The following TTBK2 variants were observed in gnomAD, a reference collection of about 807,000 sequenced individuals.
The protein encoded by TTBK2 is tau-tubulin kinase 2.
Under a neutral mutation model 110.8 loss-of-function variants are expected in TTBK2, and 28 were observed. The observed-to-expected ratio is 0.25, with a 90% CI of 0.19 to 0.35. The LOEUF (loss-of-function observed/expected upper bound fraction) is 0.35, where lower values mean the gene tolerates loss of function less well. TTBK2 is among the 10% of genes least tolerant of loss of function. The probability of loss-of-function intolerance (pLI) is 1.00; values close to 1 mark genes in which losing one functional copy is unlikely to be tolerated. For missense variants in TTBK2, 1,369 were observed against 1,500.3 expected, an observed-to-expected ratio of 0.91 and a Z score of 1.45; for synonymous variants, 532 against 527.3, an observed-to-expected ratio of 1.01 and a Z score of -0.12.
At chr15:42,897,154 G>GTAAA (rs1895699179) in intron 1 of TTBK2, among the ~76,000 whole-genome samples, 1 of 152,064 alleles carries the variant, frequency 6.6e-6, no homozygotes. Flanking sequence ...TGGGATTACA[G>GTAAA]GTGTGAGCCA....
At chr15:42,773,559 A>G (rs1258920026) in intron 13 of TTBK2, among the ~76,000 whole-genome samples, 3 of 152,238 alleles carry the variant, frequency 2.0e-5, no homozygotes, top group Non-Finnish European at 4.4e-5. Context: ...ACACCGCAGT[A>G]GTGTAAGAGA....
chr15:42,762,812 G>C (rs1441652072), intron 13 of TTBK2, among the ~76,000 whole-genome samples: 1 of 151,898 alleles, frequency 6.6e-6, no homozygotes, highest in Non-Finnish European at 1.5e-5. Context: ...GTCATTCATG[G>C]CAACATGGAT....
intron 1 of TTBK2, among the ~76,000 whole-genome samples, chr15:42,886,637 T>C (rs1337269071): frequency 6.6e-6 from 1 of 152,136 alleles, no homozygotes; most frequent in African/African-American, 2.4e-5. Context: ...AGGACCTAAT[T>C]AACCTCACCT....
At chr15:42,866,567 T>C (rs1894380760) in intron 3 of TTBK2, among the ~76,000 whole-genome samples, 1 of 152,186 alleles carries the variant, frequency 6.6e-6, no homozygotes, top group African/African-American at 2.4e-5. Flanking sequence ...ATTAACTAGA[T>C]ATAACTGACA....
chr15:42,824,918 G>GTTTT (rs1567045357), intron 6 of TTBK2, among the ~76,000 whole-genome samples: 2 of 151,502 alleles, frequency 1.3e-5, no homozygotes, highest in Admixed American at 6.6e-5. Context: ...TCAAATCAGG[G>GTTTT]GAAAAAGCAA....
Position 42,752,597 on chromosome 15 carries a change from G to GTCA in TTBK2, c.2646_2648dup (p.Asp883dup), listed in dbSNP as rs776194282. On this transcript the variant is annotated inframe_insertion, in exon 14 of 15. Coordinates refer to ENST00000267890, the MANE Select transcript of TTBK2 (RefSeq NM_173500.4). ...GACCTGGCAAGTCTTCACTCATGAT[G>GTCA]TCATCATCCTTAGATATCTTATTTT... The GTCA allele has an allele frequency of 6.2e-7, 1 of 1,614,166 alleles. No homozygotes were observed. Among genetic ancestry groups the GTCA allele is most frequent in the Non-Finnish European group, 8.5e-7 (1 of 1,180,044 alleles).
chr15:42,897,870 C>G (rs1895729674), intron 1 of TTBK2, among the ~76,000 whole-genome samples: 1 of 149,550 alleles, frequency 6.7e-6, no homozygotes, highest in South Asian at 2.1e-4. Flanking sequence ...ACACACGGAA[C>G]TTCCAATCAG....
chr15:42,885,253 C>CCACG (rs1895196510), intron 1 of TTBK2, among the ~76,000 whole-genome samples: 3 of 152,212 alleles, frequency 2.0e-5, no homozygotes, highest in Non-Finnish European at 4.4e-5. Flanking sequence ...CACCCTCACT[C>CCACG]CGTGAAGAGA....
chr15:42,879,612 A>G (rs1003215203), intron 1 of TTBK2, among the ~76,000 whole-genome samples: 1 of 151,616 alleles, frequency 6.6e-6, no homozygotes, highest in Admixed American at 6.6e-5. Flanking sequence ...ACGAATGAGT[A>G]TGGCTGTGCT....
At chr15:42,767,426 G>A (rs530923356) in intron 13 of TTBK2, among the ~76,000 whole-genome samples, 1 of 151,968 alleles carries the variant, frequency 6.6e-6, no homozygotes, top group African/African-American at 2.4e-5. Flanking sequence ...AATGATAAAG[G>A]GGATATCACC....
Position 42,746,085 on chromosome 15 carries a change from T to G in TTBK2, c.3445A>C (p.Arg1149=). The G allele has an allele frequency of 6.2e-7, 1 of 1,614,066 alleles. No individual in the cohort carries two copies. Among genetic ancestry groups the G allele is most frequent in the Non-Finnish European group, 8.5e-7 (1 of 1,180,012 alleles). Reference sequence around the variant, plus strand: ...CTTCGAGGAGAGGCACTGGGACTCCTGCGAGGGACAACTGGACTCTTGGGT... The same window carrying G: ...CTTCGAGGAGAGGCACTGGGACTCCGGCGAGGGACAACTGGACTCTTGGGT... The part of the protein sequence containing the change: ...TPPKSPVVPR[R]SPSASPRSSS... Residue 1149 remains arginine (R), a synonymous_variant, in exon 15 of 15, where the codon AGG becomes CGG. Transcript: ENST00000267890.
chr15:42,836,642 C>T (rs566173660), intron 4 of TTBK2, among the ~76,000 whole-genome samples: 1 of 152,270 alleles, frequency 6.6e-6, no homozygotes, highest in South Asian at 2.1e-4. Context: ...TTCCCAGTAC[C>T]AGGAGCCTTC....
intron 14 of TTBK2, among the ~76,000 whole-genome samples, chr15:42,751,584 T>C (rs1260384771): frequency 6.6e-6 from 1 of 152,044 alleles, no homozygotes. Context: ...TTTAAAAAAA[T>C]AAAATAAAAT....
At chr15:42,787,422 G>C (rs772861683) in intron 10 of TTBK2, among the ~76,000 whole-genome samples, 1 of 152,016 alleles carries the variant, frequency 6.6e-6, no homozygotes, top group Non-Finnish European at 1.5e-5. Context: ...TTTGCAAACA[G>C]AAAAAAATCA....
chr15:42,762,680 T>A (rs566485126), intron 13 of TTBK2, among the ~76,000 whole-genome samples: 1 of 152,106 alleles, frequency 6.6e-6, no homozygotes, highest in Non-Finnish European at 1.5e-5. Flanking sequence ...TCACCACCAC[T>A]GTACTCCAGC....
chr15:42,817,052 T>C lies in TTBK2; in HGVS notation c.583A>G (p.Ile195Val), dbSNP rs760996800. The C allele has an allele frequency of 1.4e-5, 22 of 1,606,820 alleles. No homozygotes were observed. The highest frequency in any genetic ancestry group is 5.4e-5 in the African/African-American group (4 of 74,658). ...CCTACCCTGTTCCGATGTGCGTTGA[T>C]TGATGCATAACGAACTGTCCCTCGA... Reference protein sequence around the residue: ...GFRGTVRYASINAHRNREMGR... With the variant: ...GFRGTVRYASVNAHRNREMGR... The change falls in exon 7 of 15, where the codon ATC (isoleucine) becomes GTC (valine). Residue 195 changes from isoleucine (I) to valine (V), a missense_variant. Coordinates refer to ENST00000267890, the MANE Select transcript of TTBK2 (RefSeq NM_173500.4).
At chr15:42,747,804 C>T (rs888131048) in intron 14 of TTBK2, among the ~76,000 whole-genome samples, 4 of 152,102 alleles carry the variant, frequency 2.6e-5, no homozygotes, top group African/African-American at 7.2e-5. Context: ...AAGGAACAGA[C>T]AAATGAATGG....
chr15:42,798,227 C>G (rs750667440), intron 9 of TTBK2: 1 of 456,174 alleles, frequency 2.2e-6, no homozygotes, highest in South Asian at 1.5e-5. Context: ...GAACAAAGCA[C>G]TTTCCCATCA....
rs1050446175 is a variant in TTBK2, at chr15:42,894,961, C to T, written c.-67-16277G>A. On this transcript the variant is annotated intron_variant, in intron 1 of 14. Transcript: ENST00000267890. ...CAGATTAATAGTCTAAAAATGAAAA[C>T]CACATGACCTATCATTTGATACAGG... Among the ~76,000 whole-genome samples, 4 of 152,184 alleles carry T rather than the reference C, an allele frequency of 2.6e-5. No homozygotes were observed. In the South Asian group the frequency reaches 6.2e-4, roughly 24 times the overall value.
Sources: gnomAD v4.1 joint callset for allele counts (sites outside exome capture counted in the v4.1 genomes callset) on GRCh38, gnomAD v4.1.1 for gene constraint, MANE v1.5 for transcripts, NCBI Gene and HGNC (gene_info 2026-07-23, HGNC 2026-07-21) for gene names.